SLC24A4: variants seen among roughly 807,000 people sequenced by gnomAD.
SLC24A4 encodes solute carrier family 24 member 4.
In SLC24A4, 53 loss-of-function variants were observed where a neutral mutation model predicts 79.0. The ratio of observed to expected loss-of-function variants is 0.67; its 90% CI spans 0.54 to 0.84. The LOEUF is 0.84. Ranked by LOEUF, SLC24A4 falls within the 40% of genes least tolerant of loss-of-function variation. The pLI is 0.00. For missense variants in SLC24A4, 731 were observed against 822.0 expected (o/e 0.89, Z 1.35); for synonymous variants, 323 against 323.8 (o/e 1.00, Z 0.03).
At chr14:92,475,906 A>G (rs1894734589) in intron 12 of SLC24A4, among the ~76,000 whole-genome samples, 1 of 152,076 alleles carries the variant, frequency 6.6e-6, no homozygotes, top group African/African-American at 2.4e-5. Flanking sequence ...CCTGGATCTC[A>G]TCCAACAGTT....
intron 2 of SLC24A4, among the ~76,000 whole-genome samples, chr14:92,354,024 A>G (rs985086476): frequency 3.9e-5 from 6 of 152,144 alleles, no homozygotes; most frequent in African/African-American, 7.2e-5. Flanking sequence ...TGTCCCTCCC[A>G]TGAGGGTGGC....
chr14:92,436,850 G>A (rs895734137), intron 3 of SLC24A4, among the ~76,000 whole-genome samples: 2 of 152,134 alleles, frequency 1.3e-5, no homozygotes, highest in Admixed American at 1.3e-4. Flanking sequence ...AGAATCCTAA[G>A]CTTCGTAGCA....
At chr14:92,391,993 T>TC in intron 2 of SLC24A4, among the ~76,000 whole-genome samples, 1 of 151,526 alleles carries the variant, frequency 6.6e-6, no homozygotes, top group East Asian at 2.0e-4. Context: ...TTCTCCCTCC[T>TC]CCCCCCACCA....
intron 14 of SLC24A4, among the ~76,000 whole-genome samples, chr14:92,491,102 C>G (rs549575080): frequency 1.7e-4 from 26 of 152,346 alleles, no homozygotes; most frequent in African/African-American, 6.0e-4. Flanking sequence ...CTGAACACCA[C>G]CATCTTTGTT....
chr14:92,365,809 G>A (rs1887803994), intron 2 of SLC24A4, among the ~76,000 whole-genome samples: 1 of 152,192 alleles, frequency 6.6e-6, no homozygotes. Context: ...AGAAGACTGA[G>A]GCAGAGAGTG....
Position 92,453,970 on chromosome 14 carries a change from C to T in SLC24A4, c.951C>T (p.Pro317=), listed in dbSNP as rs780545240. 3 of 1,613,682 alleles carry T rather than the reference C, an allele frequency of 1.9e-6. No homozygotes were observed. In the South Asian group the frequency reaches 3.3e-5, roughly 18 times the overall value. The part of the protein sequence containing the change: ...MVDEIMSSSP[P]KFTFPEAGLR... ...ACGAGATTATGAGCTCCAGCCCTCCCAAGTTCACCTTCCCTGAAGCAGGCT... is the reference window on the plus strand; with the variant it reads ...ACGAGATTATGAGCTCCAGCCCTCCTAAGTTCACCTTCCCTGAAGCAGGCT... The change falls in exon 11 of 17, where the codon CCC becomes CCT. Residue 317 remains proline, a synonymous_variant. Transcript: ENST00000532405.
rs1005924070 is a variant in SLC24A4, at chr14:92,449,341, C to T, written c.880+125C>T. 4.7e-6 allele frequency: 6 copies of T among 1,281,928 alleles called. No homozygotes were observed. The African/African-American group carries it at 8.9e-5, about 19-fold the overall frequency. The allele number at this position is 1,281,928 out of a possible 1,614,324, so 79.4% of individuals were successfully genotyped here. A position where few individuals can be genotyped will look rare whatever the true frequency, so the allele number is the denominator to read the frequency against. Reference sequence around the variant, plus strand: ...ACACACACCCTCTCACAATGTCCCCCCTCTAAATTGTCACTCTCTTACCTT... The same window carrying T: ...ACACACACCCTCTCACAATGTCCCCTCTCTAAATTGTCACTCTCTTACCTT... On this transcript the variant is annotated intron_variant, in intron 10 of 16. Transcript: ENST00000532405.
At chr14:92,364,650 T>A (rs1247744103) in intron 2 of SLC24A4, among the ~76,000 whole-genome samples, 2 of 152,132 alleles carry the variant, frequency 1.3e-5, no homozygotes, top group Non-Finnish European at 2.9e-5. Flanking sequence ...GCACAGCCTC[T>A]GTCCCTCTGC....
At chr14:92,479,931 T>C (rs749629035) in intron 12 of SLC24A4, among the ~76,000 whole-genome samples, 4 of 152,234 alleles carry the variant, frequency 2.6e-5, no homozygotes. Flanking sequence ...TTTGGTAGTT[T>C]GTACCTTTGC....
intron 2 of SLC24A4, among the ~76,000 whole-genome samples, chr14:92,354,332 C>T (rs1887056562): frequency 6.6e-6 from 1 of 151,924 alleles, no homozygotes; most frequent in South Asian, 2.1e-4. Context: ...TTTGTATTTT[C>T]AGTAGAGACG....
chr14:92,444,253 A>G (rs1047829657), intron 7 of SLC24A4, among the ~76,000 whole-genome samples: 1 of 152,220 alleles, frequency 6.6e-6, no homozygotes, highest in Non-Finnish European at 1.5e-5. Context: ...AAAAGAATAC[A>G]TATTTCAGTA....
intron 2 of SLC24A4, among the ~76,000 whole-genome samples, chr14:92,338,601 C>T (rs1398204829): frequency 2.0e-5 from 3 of 152,220 alleles, no homozygotes; most frequent in Non-Finnish European, 4.4e-5. Flanking sequence ...TTTCACACTA[C>T]AAATGTCTGA....
At chr14:92,433,275 G>A (rs1481670230) in intron 2 of SLC24A4, among the ~76,000 whole-genome samples, 1 of 152,226 alleles carries the variant, frequency 6.6e-6, no homozygotes, top group East Asian at 1.9e-4. Context: ...GGTGAGAAGG[G>A]ATTATTCCTC....
At chr14:92,401,650 G>C (rs1890118459) in intron 2 of SLC24A4, among the ~76,000 whole-genome samples, 1 of 152,174 alleles carries the variant, frequency 6.6e-6, no homozygotes. Context: ...TTTACACCCA[G>C]ACTGCCTGGG....
At chr14:92,403,112 A>C (rs73337435) in intron 2 of SLC24A4, among the ~76,000 whole-genome samples, 13,293 of 152,076 alleles carry the variant, frequency 0.087, 944 homozygotes, top group African/African-American at 0.18. Context: ...TTGAGAAGAC[A>C]CACCTGCTTC....
chr14:92,412,168 A>G (rs1014624099), intron 2 of SLC24A4, among the ~76,000 whole-genome samples: 8 of 152,170 alleles, frequency 5.3e-5, no homozygotes, highest in Non-Finnish European at 7.3e-5. Flanking sequence ...CACGTGTTCA[A>G]AAAGGTCTAG....
At chr14:92,336,965 G>C (rs1885845141) in intron 2 of SLC24A4, among the ~76,000 whole-genome samples, 1 of 152,178 alleles carries the variant, frequency 6.6e-6, no homozygotes, top group African/African-American at 2.4e-5. Flanking sequence ...CTCATTGGCT[G>C]TCCAAGGGGA....
At position 92,500,091 on chromosome 14, in the gene SLC24A4, G is replaced by A. The variant is rs1262032127; in HGVS notation, c.*6463G>A. 6.6e-6 allele frequency: 1 copy of A among 151,792 alleles called. No individual in the cohort carries two copies. The highest frequency in any genetic ancestry group is 1.5e-5 in the Non-Finnish European group (1 of 67,998). 9.4% of individuals were successfully genotyped at this position (151,792 alleles called of 1,614,324 possible). A position where few individuals can be genotyped will look rare whatever the true frequency, so the allele number is the denominator to read the frequency against. ...CCTGATCTCGTGATCCGCCCACCCCGGCCTCCCAAAGTGCTGGATTACAAG... is the reference window on the plus strand; with the variant it reads ...CCTGATCTCGTGATCCGCCCACCCCAGCCTCCCAAAGTGCTGGATTACAAG... On this transcript the variant is annotated 3_prime_UTR_variant, in exon 17 of 17. Coordinates refer to ENST00000532405, the MANE Select transcript of SLC24A4 (RefSeq NM_153646.4).
chr14:92,480,286 C>CTTTT lies in SLC24A4; in HGVS notation c.1256-2379_1256-2376dup, dbSNP rs66533065. 8.1e-4 allele frequency among the ~76,000 whole-genome samples: 51 copies of CTTTT among 63,120 alleles called. 10 individuals carry two copies. Among genetic ancestry groups the CTTTT allele is most frequent in the South Asian group, 4.0e-3 (4 of 1,000 alleles). The allele number at this position is 63,120 out of a possible 152,430, so 41.4% of individuals were successfully genotyped here. ...TTGGACATTGATTTGAGATCTTTCC[C>CTTTT]TTTTTTTTTTTTTTTTTTGAGATGG... is the stretch of plus-strand genomic sequence containing the variant. On this transcript the variant is annotated intron_variant, in intron 12 of 16. Coordinates refer to ENST00000532405, the MANE Select transcript of SLC24A4 (RefSeq NM_153646.4).
Sources: gnomAD v4.1 joint callset for allele counts (sites outside exome capture counted in the v4.1 genomes callset) on GRCh38, gnomAD v4.1.1 for gene constraint, MANE v1.5 for transcripts, NCBI Gene and HGNC (gene_info 2026-07-23, HGNC 2026-07-21) for gene names.